The following ARHGAP5 variants were observed in gnomAD, a reference collection of about 807,000 sequenced individuals.
ARHGAP5 encodes rho GTPase-activating protein 5.
In ARHGAP5, 23 loss-of-function variants were observed where a neutral mutation model predicts 116.6. The observed-to-expected ratio is 0.20, with a 90% CI of 0.14 to 0.28. The LOEUF (loss-of-function observed/expected upper bound fraction) is 0.28, where lower values mean the gene tolerates loss of function less well. ARHGAP5 is among the 10% of genes least tolerant of loss of function. The pLI, the probability that ARHGAP5 is intolerant of heterozygous loss-of-function variation, is 1.00. For synonymous variants in ARHGAP5, 574 were observed against 602.0 expected (o/e 0.95, Z 0.68); for missense variants, 1,405 against 1,774.8 (o/e 0.79, Z 3.74).
At chr14:32,081,121 T>C (rs1366473578) in intron 1 of ARHGAP5, among the ~76,000 whole-genome samples, 1 of 152,190 alleles carries the variant, frequency 6.6e-6, no homozygotes, top group Admixed American at 6.5e-5. Flanking sequence ...TTAAAAGATC[T>C]TTTAACTTCT....
intron 4 of ARHGAP5, among the ~76,000 whole-genome samples, chr14:32,148,089 G>T (rs956774951): frequency 6.6e-6 from 1 of 152,140 alleles, no homozygotes; most frequent in Non-Finnish European, 1.5e-5. Flanking sequence ...GGAGGGGGAG[G>T]TTGCAGTGAG....
chr14:32,132,336 T>C (rs1880548183), intron 3 of ARHGAP5, among the ~76,000 whole-genome samples: 1 of 152,226 alleles, frequency 6.6e-6, no homozygotes, highest in Non-Finnish European at 1.5e-5. Context: ...TGATGGCCAG[T>C]GATAGTGAGC....
At chr14:32,140,691 T>C (rs371670876) in intron 3 of ARHGAP5, among the ~76,000 whole-genome samples, 4 of 152,266 alleles carry the variant, frequency 2.6e-5, no homozygotes, top group African/African-American at 9.6e-5. Context: ...GAACATACTC[T>C]CTATTATTTC....
At chr14:32,130,990 T>C (rs767214554) in intron 3 of ARHGAP5, among the ~76,000 whole-genome samples, 7 of 152,184 alleles carry the variant, frequency 4.6e-5, no homozygotes, top group Non-Finnish European at 8.8e-5. Context: ...TGCTGAACAA[T>C]GTGAAATTCA....
chr14:32,096,138 TTTG>T (rs1419149058), intron 2 of ARHGAP5, among the ~76,000 whole-genome samples: 5 of 151,736 alleles, frequency 3.3e-5, no homozygotes, highest in Middle Eastern at 3.4e-3. Context: ...TGTCTATTGG[TTTG>T]TTTTTTTTTT....
chr14:32,115,926 C>T (rs1339333696), intron 2 of ARHGAP5, among the ~76,000 whole-genome samples: 1 of 150,794 alleles, frequency 6.6e-6, no homozygotes, highest in African/African-American at 2.4e-5. Context: ...ACCCGGGAGG[C>T]GGAGGTTGCA....
chr14:32,091,214 A>G lies in ARHGAP5; in HGVS notation c.545A>G (p.Asn182Ser). The change falls in exon 2 of 7, where the codon AAC becomes AGC. Residue 182 changes from asparagine to serine, a missense_variant. Physicochemically the swap from Asn to Ser is conservative, Grantham distance 46. Around this residue, in one of 6 missense-constraint regions of ARHGAP5, gnomAD observed 190 missense variants for 314.9 expected, o/e 0.60. Transcript: ENST00000345122. ...GATGATCAACTTAAATTTGTGAATA[A>G]CCTTTTTGTCCAGTTATCAAAATCA... ...KFDDQLKFVN[N>S]LFVQLSKSKK... 1 of 1,613,234 alleles carries G rather than the reference A, an allele frequency of 6.2e-7. No homozygotes were observed. Among genetic ancestry groups the G allele is most frequent in the Non-Finnish European group, 8.5e-7 (1 of 1,179,542 alleles).
intron 2 of ARHGAP5, among the ~76,000 whole-genome samples, chr14:32,110,581 G>A (rs1449468119): frequency 6.6e-6 from 1 of 152,100 alleles, no homozygotes; most frequent in African/African-American, 2.4e-5. Flanking sequence ...AAATGATGAG[G>A]GAAATTAGGT....
intron 3 of ARHGAP5, among the ~76,000 whole-genome samples, chr14:32,144,773 C>T (rs1881300032): frequency 6.6e-6 from 1 of 152,214 alleles, no homozygotes; most frequent in Non-Finnish European, 1.5e-5. Context: ...CGGGAGCCAT[C>T]ACTCCTGGCC....
At chr14:32,149,830 A>G in intron 4 of ARHGAP5, 72 bp from the exon 5 acceptor site, 3 of 909,372 alleles carry the variant, frequency 3.3e-6, no homozygotes, top group East Asian at 3.4e-5. Context: ...TTTGATCTAA[A>G]AGTAACCATT....
Position 32,093,498 on chromosome 14 carries a change from T to A in ARHGAP5, c.2829T>A (p.Asn943Lys), listed in dbSNP as rs1169444177. 4 of 1,612,228 alleles carry A rather than the reference T, an allele frequency of 2.5e-6. No homozygotes were observed. The highest frequency in any genetic ancestry group is 3.4e-6 in the Non-Finnish European group (4 of 1,179,514). The change falls in exon 2 of 7, where the codon AAT becomes AAA. Residue 943 changes from asparagine (N) to lysine (K), a missense_variant. Physicochemically the swap from Asn to Lys is moderately conservative, Grantham distance 94. Around this residue, in one of 6 missense-constraint regions of ARHGAP5, gnomAD observed 944 missense variants for 1,095.3 expected, o/e 0.86. Transcript: ENST00000345122. ...TTAGTGATGTTCTAGAGAAAAAAAA[T>A]ATGATAGAAAATTCTTATTTGTCTG... ...LFFSDVLEKKNMIENSYLSDN... is the reference protein window; with the variant it reads ...LFFSDVLEKKKMIENSYLSDN...
chr14:32,121,771 C>T (rs1203186752), intron 3 of ARHGAP5, among the ~76,000 whole-genome samples: 1 of 152,180 alleles, frequency 6.6e-6, no homozygotes, highest in East Asian at 1.9e-4. Flanking sequence ...CTCTCACCCC[C>T]CCATCAACTT....
In ARHGAP5 at chr14:32,092,208, T is replaced by C. The variant is rs1380681908; in HGVS notation, c.1539T>C (p.Asp513=). ...DLDLNATPSS[D]KMSEIHTVLS... is the part of the protein sequence containing the mutation. ...ATCTTAATGCAACACCTAGTTCAGA[T>C]AAAATGAGTGAAATTCATACAGTTC... is the stretch of plus-strand genomic sequence containing the variant. The change falls in exon 2 of 7, where the codon GAT becomes GAC. Residue 513 remains aspartate, a synonymous_variant. Transcript: ENST00000345122. The surrounding 1 kb of genome is among the most constrained non-coding windows in gnomAD (Gnocchi z 4.1). The C allele has an allele frequency of 6.2e-7, 1 of 1,613,242 alleles. No individual in the cohort carries two copies. Among genetic ancestry groups the C allele is most frequent in the East Asian group, 2.2e-5 (1 of 44,868 alleles).
At chr14:32,138,598 T>A (rs1193311881) in intron 3 of ARHGAP5, among the ~76,000 whole-genome samples, 1 of 152,200 alleles carries the variant, frequency 6.6e-6, no homozygotes. Flanking sequence ...CTTACTAGTA[T>A]TTTTTGTGGA....
intron 2 of ARHGAP5, among the ~76,000 whole-genome samples, chr14:32,100,386 TG>T (rs1594353829): frequency 6.6e-6 from 1 of 151,892 alleles, no homozygotes; most frequent in East Asian, 1.9e-4. Context: ...GTCATAGAGA[TG>T]GGGGTCTCAC....
At chr14:32,148,006 A>G (rs1292576252) in intron 4 of ARHGAP5, among the ~76,000 whole-genome samples, 2 of 152,206 alleles carry the variant, frequency 1.3e-5, no homozygotes, top group Non-Finnish European at 2.9e-5. Context: ...GCAAAAAATT[A>G]GCCAGACATG....
chr14:32,146,466 C>T, intron 4 of ARHGAP5, 126 bp downstream of exon 4: 2 of 669,768 alleles, frequency 3.0e-6, no homozygotes, highest in Non-Finnish European at 5.2e-6. Context: ...GAGAGGGTTT[C>T]AAAGTGAGAT....
At chr14:32,153,257 A>G (rs1234158459) in intron 6 of ARHGAP5, among the ~76,000 whole-genome samples, 1 of 149,732 alleles carries the variant, frequency 6.7e-6, no homozygotes, top group Non-Finnish European at 1.5e-5. Context: ...AAATACAAAA[A>G]TTAACTGGGC....
intron 2 of ARHGAP5, among the ~76,000 whole-genome samples, chr14:32,101,999 C>T (rs1878815054): frequency 6.6e-6 from 1 of 151,870 alleles, no homozygotes; most frequent in Non-Finnish European, 1.5e-5. Flanking sequence ...AAAAAGCTTA[C>T]TATAGGAAGG....
Sources: allele counts gnomAD v4.1 joint callset (sites outside exome capture counted in the v4.1 genomes callset), GRCh38; gene constraint gnomAD v4.1.1; regional missense constraint gnomAD v4.1.1; non-coding constraint Gnocchi (gnomAD v3.1); transcripts MANE v1.5; gene names NCBI Gene and HGNC (gene_info 2026-07-23, HGNC 2026-07-21).